The following CHKA variants were observed in gnomAD, a reference collection of about 807,000 sequenced individuals.
The protein encoded by CHKA is choline kinase alpha, also known as CHETK-alpha.
CHKA carries 34 observed loss-of-function variants against 60.1 expected under a neutral mutation model. The ratio of observed to expected loss-of-function variants is 0.57; its 90% confidence interval spans 0.43 to 0.75. CHKA has a LOEUF of 0.75. CHKA is among the 30% of genes least tolerant of loss of function. The pLI, the probability that CHKA is intolerant of heterozygous loss-of-function variation, is 0.00. For synonymous variants in CHKA, 217 were observed against 223.1 expected, an observed-to-expected ratio of 0.97 and a Z score of 0.24; for missense variants, 563 against 561.3, an observed-to-expected ratio of 1.00 and a Z score of -0.03.
chr11:68,083,218 T>C (rs763007325), intron 2 of CHKA, among the ~76,000 whole-genome samples: 2 of 152,164 alleles, frequency 1.3e-5, no homozygotes, highest in Admixed American at 6.5e-5. Context: ...ACGAGGCAAG[T>C]GAGCCCAACG....
At chr11:68,083,522 CTAACTG>C (rs1236085919) in intron 2 of CHKA, among the ~76,000 whole-genome samples, 2 of 152,202 alleles carry the variant, frequency 1.3e-5, no homozygotes. Context: ...TGTTGTTACT[CTAACTG>C]TATCTTCTTA....
In CHKA at chr11:68,070,335, C is replaced by T. The variant is rs1362366299; in HGVS notation, c.765-42G>A. ...AAAAAAGAACAGAACAAAGAATCAC[C>T]GATCAATTCACCAAGGCTTGCTGTT... On this transcript the variant is annotated intron_variant, in intron 5 of 11. Transcript: ENST00000265689. 14 of 1,348,298 alleles carry T rather than the reference C, an allele frequency of 1.0e-5. No individual in the cohort carries two copies. In the Middle Eastern group the frequency reaches 9.0e-4, roughly 87 times the overall value. The allele number at this position is 1,348,298 out of a possible 1,614,324, so 83.5% of individuals were successfully genotyped here.
chr11:68,070,875 G>A lies in CHKA; in HGVS notation c.631-18C>T. ...CGCCGGCTCTGAAAAAGAAAAGGGA[G>A]TTAAAAACTGACATTTACCAAGTAA... On this transcript the variant is annotated intron_variant, in intron 4 of 11. Transcript: ENST00000265689. The A allele has an allele frequency of 6.3e-7, 1 of 1,599,660 alleles. No homozygotes were observed. Among genetic ancestry groups the A allele is most frequent in the Non-Finnish European group, 8.5e-7 (1 of 1,169,808 alleles).
intron 1 of CHKA, 105 bp from the exon 2 acceptor site, chr11:68,097,235 CATCTT>C: frequency 1.5e-6 from 1 of 681,302 alleles, no homozygotes; most frequent in Non-Finnish European, 2.4e-6. Flanking sequence ...GAACTGTTCT[CATCTT>C]ATCTCGATTT....
rs76139436 is a variant in CHKA at position 68,056,555 on chromosome 11, C to T, written c.1315-2508G>A. ...ATCCAATGACATCTCCATAAAATGC[C>T]CAAGAGGACAGGGTTTGGGGAGTTT... On this transcript the variant is annotated intron_variant, in intron 11 of 11. Transcript: ENST00000265689. Among the ~76,000 whole-genome samples the T allele has an allele frequency of 2.4e-3, 360 of 152,220 alleles. 2 individuals are homozygous for T. The highest frequency in any genetic ancestry group is 7.9e-3 in the African/African-American group (329 of 41,520).
At chr11:68,099,187 T>C (rs1857616008) in intron 1 of CHKA, among the ~76,000 whole-genome samples, 1 of 152,008 alleles carries the variant, frequency 6.6e-6, no homozygotes, top group Non-Finnish European at 1.5e-5. Flanking sequence ...TACTTAGGGG[T>C]AGGGGATGAT....
At chr11:68,091,740 G>A (rs938471491) in intron 2 of CHKA, among the ~76,000 whole-genome samples, 1 of 152,106 alleles carries the variant, frequency 6.6e-6, no homozygotes, top group African/African-American at 2.4e-5. Flanking sequence ...ATCTTATAAT[G>A]CCAAGATGAA....
At chr11:68,108,637 G>A (rs1355492475) in intron 1 of CHKA, among the ~76,000 whole-genome samples, 1 of 152,160 alleles carries the variant, frequency 6.6e-6, no homozygotes, top group African/African-American at 2.4e-5. Flanking sequence ...CCAGCCACTT[G>A]GGAGGCTGAG....
In CHKA at chr11:68,114,271, T is replaced by C. The variant is rs557359324; in HGVS notation, c.350+6557A>G. ...CCTACACACAAATGTTTAGAGCAAC[T>C]TTATTCATAATTGCCAAAACCGTGA... On this transcript the variant is annotated intron_variant, in intron 1 of 11. Transcript: ENST00000265689. Among the ~76,000 whole-genome samples the C allele has an allele frequency of 1.6e-4, 25 of 152,358 alleles. No individual in the cohort carries two copies. In the South Asian group the frequency reaches 3.1e-3, roughly 19 times the overall value.
chr11:68,120,058 G>C (rs1198970738), intron 1 of CHKA, among the ~76,000 whole-genome samples: 1 of 151,876 alleles, frequency 6.6e-6, no homozygotes, highest in Admixed American at 6.6e-5. Flanking sequence ...GAGAAACCTT[G>C]TCTCTACTAA....
rs757275235 is a variant in CHKA, at chr11:68,120,850, C to T, written c.328G>A (p.Glu110Lys). The change falls in exon 1 of 12, where the codon GAG (glutamate) becomes AAG (lysine). Residue 110 changes from glutamate to lysine, a missense_variant. Transcript: ENST00000265689. ...PGAWRGLRED[E>K]FHISVIRGGL... ...GACCTGATGACACTGATGTGGAACT[C>T]GTCCTCGCGGAGGCCCCGCCAGGCG... The T allele has an allele frequency of 1.7e-5, 23 of 1,335,974 alleles. No individual in the cohort carries two copies. Among genetic ancestry groups the T allele is most frequent in the Non-Finnish European group, 5.8e-6 (6 of 1,027,310 alleles). 82.8% of individuals were successfully genotyped at this position (1,335,974 alleles called of 1,614,324 possible).
intron 10 of CHKA, 97 bp from the exon 11 acceptor site, chr11:68,062,131 T>C: frequency 1.1e-6 from 1 of 872,138 alleles, no homozygotes; most frequent in Non-Finnish European, 1.8e-6. Flanking sequence ...TTAACTTGTG[T>C]GGATGCAAAC....
At chr11:68,060,575 T>C (rs1056518731) in intron 11 of CHKA, among the ~76,000 whole-genome samples, 1 of 152,206 alleles carries the variant, frequency 6.6e-6, no homozygotes, top group East Asian at 1.9e-4. Context: ...CCTCCCAAAG[T>C]GCTGGGATTA....
chr11:68,120,785 G>T, intron 1 of CHKA, 43 bp downstream of exon 1: 1 of 873,964 alleles, frequency 1.1e-6, no homozygotes, highest in Non-Finnish European at 1.4e-6. Context: ...CCCGCCCCGC[G>T]TCACCTGACT....
At chr11:68,070,051 T>A in intron 6 of CHKA, 138 bp downstream of exon 6, 2 of 699,214 alleles carry the variant, frequency 2.9e-6, no homozygotes, top group Non-Finnish European at 2.5e-6. Flanking sequence ...TAATTCCAGA[T>A]GACAAAACTT....
chr11:68,068,499 C>T (rs1856514023), intron 7 of CHKA, among the ~76,000 whole-genome samples: 1 of 151,882 alleles, frequency 6.6e-6, no homozygotes, highest in Non-Finnish European at 1.5e-5. Context: ...CATACTATAG[C>T]CTTGAACTCC....
At position 68,068,383 on chromosome 11, in the gene CHKA, C is replaced by T. The variant is rs541705979; in HGVS notation, c.928+496G>A. 2.0e-5 allele frequency among the ~76,000 whole-genome samples: 3 copies of T among 151,318 alleles called. No individual in the cohort carries two copies. In the South Asian group the frequency reaches 6.2e-4, roughly 31 times the overall value. Reference sequence around the variant, plus strand: ...AGTTTAAGTTCTTCATCCCAGTTCCCAAGTTTAGTGAATATTCTTTCGGAT... The same window carrying T: ...AGTTTAAGTTCTTCATCCCAGTTCCTAAGTTTAGTGAATATTCTTTCGGAT... On this transcript the variant is annotated intron_variant, in intron 7 of 11. Coordinates refer to ENST00000265689, the MANE Select transcript of CHKA (RefSeq NM_001277.3).
At chr11:68,092,179 T>C (rs1400494339) in intron 2 of CHKA, among the ~76,000 whole-genome samples, 1 of 152,222 alleles carries the variant, frequency 6.6e-6, no homozygotes, top group Admixed American at 6.5e-5. Context: ...ACTTGAGTCA[T>C]ACTATATTTA....
At chr11:68,081,023 C>T (rs186825419) in intron 3 of CHKA, among the ~76,000 whole-genome samples, 229 of 152,338 alleles carry the variant, frequency 1.5e-3, no homozygotes, top group African/African-American at 5.2e-3. Context: ...GGCAGTGACC[C>T]GCTTCCTGAT....
Sources: gnomAD v4.1 joint callset for allele counts (sites outside exome capture counted in the v4.1 genomes callset) on GRCh38, gnomAD v4.1.1 for gene constraint, MANE v1.5 for transcripts, NCBI Gene and HGNC (gene_info 2026-07-23, HGNC 2026-07-21) for gene names.